The following TSNARE1 variants were observed in gnomAD, a reference collection of about 807,000 sequenced individuals.
TSNARE1 encodes the protein t-SNARE domain-containing protein 1.
A neutral mutation model predicts 62.0 loss-of-function variants in TSNARE1; 49 were observed. The observed-to-expected ratio is 0.79, with a 90% CI of 0.63 to 1.00. TSNARE1 has a LOEUF of 1.00. Ranked by LOEUF, TSNARE1 falls within the 50% of genes least tolerant of loss-of-function variation. TSNARE1 has a pLI of 0.00. For synonymous variants in TSNARE1, 328 were observed against 294.4 expected, an observed-to-expected ratio of 1.11 and a Z score of -1.17; for missense variants, 755 against 700.1, an observed-to-expected ratio of 1.08 and a Z score of -0.88.
intron 9 of TSNARE1, among the ~76,000 whole-genome samples, chr8:142,303,591 G>A (rs929240759): frequency 6.6e-6 from 1 of 152,232 alleles, no homozygotes; most frequent in Non-Finnish European, 1.5e-5. Flanking sequence ...ACTGGGACTG[G>A]AGCAGATGGA....
chr8:142,365,784 T>C, intron 1 of TSNARE1: 1 of 256,482 alleles, frequency 3.9e-6, no homozygotes. Flanking sequence ...AAATTAAACC[T>C]AAAATAAAAA....
chr8:142,354,914 AG>A (rs1287367399), intron 1 of TSNARE1, among the ~76,000 whole-genome samples, 151 bp from the exon 2 acceptor site: 1 of 150,448 alleles, frequency 6.6e-6, no homozygotes, highest in African/African-American at 2.4e-5. Context: ...GCTTCTCACC[AG>A]CCCCCAAACA....
chr8:142,292,375 G>A (rs1000772878), intron 10 of TSNARE1, among the ~76,000 whole-genome samples: 2 of 152,318 alleles, frequency 1.3e-5, no homozygotes, highest in Admixed American at 6.5e-5. Flanking sequence ...AGGCAGGTGC[G>A]GCACCCTTTC....
chr8:142,287,341 G>A (rs1308634422), intron 10 of TSNARE1, among the ~76,000 whole-genome samples: 5 of 126,914 alleles, frequency 3.9e-5, no homozygotes, highest in African/African-American at 1.6e-4. Context: ...CCTCCAGGTC[G>A]TGGAACCCAG....
intron 10 of TSNARE1, among the ~76,000 whole-genome samples, chr8:142,287,922 C>T (rs767895347): frequency 6.6e-6 from 1 of 152,212 alleles, no homozygotes; most frequent in African/African-American, 2.4e-5. Context: ...GGTCGTGGAA[C>T]CCAGGACCTC....
rs71514080 is a variant in TSNARE1 at position 142,319,083 on chromosome 8, TG to T, written c.894-450del. Among the ~76,000 whole-genome samples, 308 of 151,942 alleles carry T rather than the reference TG, an allele frequency of 2.0e-3. 6 individuals carry two copies. The highest frequency in any genetic ancestry group is 0.016 in the Admixed American group (249 of 15,288). The stretch of plus-strand genomic sequence containing the variant: ...AGAGACGGCGCAGGTAAGCTCTGGC[TG>T]GGGTGGGTGGCCCAGCCAGAACAGT... On this transcript the variant is annotated intron_variant, in intron 6 of 13. Transcript: ENST00000524325. This position sits in a 1 kb window ranked among gnomAD's most constrained non-coding sequence, Gnocchi z 4.9.
intron 1 of TSNARE1, among the ~76,000 whole-genome samples, chr8:142,377,933 GT>G (rs1836465417): frequency 6.6e-6 from 1 of 152,240 alleles, no homozygotes; most frequent in Non-Finnish European, 1.5e-5. Context: ...CTTTAGTGAT[GT>G]GGGTAAGTGC....
intron 1 of TSNARE1, among the ~76,000 whole-genome samples, chr8:142,363,405 G>A (rs754550035): frequency 1.3e-5 from 2 of 152,096 alleles, no homozygotes; most frequent in Non-Finnish European, 2.9e-5. Flanking sequence ...GAAGAGATGT[G>A]GGTTAAAGCC....
At chr8:142,262,149 C>T (rs532421204) in intron 12 of TSNARE1, among the ~76,000 whole-genome samples, 4 of 152,228 alleles carry the variant, frequency 2.6e-5, no homozygotes, top group Non-Finnish European at 5.9e-5. Context: ...CTCTCTACCT[C>T]GTCCTTCTTC....
At chr8:142,275,638 C>T in intron 11 of TSNARE1, 1 of 985,432 alleles carries the variant, frequency 1.0e-6, no homozygotes, top group South Asian at 4.7e-5. Context: ...CAAACACGAG[C>T]ACGGGCAAGC....
chr8:142,394,246 G>A (rs1419378190), intron 1 of TSNARE1, among the ~76,000 whole-genome samples: 1 of 152,230 alleles, frequency 6.6e-6, no homozygotes, highest in Admixed American at 6.5e-5. Flanking sequence ...AGAAAGACGG[G>A]AGGTGCTCTG....
At position 142,300,549 on chromosome 8, in the gene TSNARE1, C is replaced by T. The variant is rs542733940; in HGVS notation, c.1227G>A (p.Pro409=). The change falls in exon 10 of 14, where the codon CCG becomes CCA. Residue 409 remains proline (P), a synonymous_variant. Coordinates refer to ENST00000524325, the MANE Select transcript of TSNARE1 (RefSeq NM_145003.5). ...MWQGQEQALL[P]DITEEDLEAI... Reference sequence around the variant, plus strand: ...CCTCCAGGTCCTCTTCAGTGATGTCCGGGAGCAGCGCCTGCTCCTGGCCCT... The same window carrying T: ...CCTCCAGGTCCTCTTCAGTGATGTCTGGGAGCAGCGCCTGCTCCTGGCCCT... 2.2e-5 allele frequency: 36 copies of T among 1,612,500 alleles called. No individual in the cohort carries two copies. The East Asian group carries it at 5.8e-4, about 26-fold the overall frequency.
At chr8:142,374,846 G>A (rs1836205751) in intron 1 of TSNARE1, among the ~76,000 whole-genome samples, 1 of 152,142 alleles carries the variant, frequency 6.6e-6, no homozygotes, top group African/African-American at 2.4e-5. Flanking sequence ...CTCAGCCTGG[G>A]GAACAGGCGC....
At chr8:142,224,918 T>G (rs1430445659) in intron 13 of TSNARE1, among the ~76,000 whole-genome samples, 1 of 152,118 alleles carries the variant, frequency 6.6e-6, no homozygotes, top group Non-Finnish European at 1.5e-5. Flanking sequence ...TAGCCCTGAT[T>G]GATCCCTAGC....
intron 13 of TSNARE1, among the ~76,000 whole-genome samples, chr8:142,213,879 C>T (rs1294060138): frequency 2.0e-5 from 3 of 152,042 alleles, no homozygotes; most frequent in Non-Finnish European, 4.4e-5. Flanking sequence ...CCCATCAGAG[C>T]CCAGCCCCCC....
chr8:142,240,762 T>G (rs1817639571), intron 12 of TSNARE1, among the ~76,000 whole-genome samples: 1 of 152,150 alleles, frequency 6.6e-6, no homozygotes, highest in Admixed American at 6.5e-5. Context: ...AGAAAAATGA[T>G]AATAGACATA....
At chr8:142,329,063 A>T (rs1219095064) in intron 6 of TSNARE1, among the ~76,000 whole-genome samples, 1 of 152,184 alleles carries the variant, frequency 6.6e-6, no homozygotes, top group Admixed American at 6.5e-5. Flanking sequence ...TTAGTTGGCA[A>T]CTTCGTCAAT....
intron 12 of TSNARE1, among the ~76,000 whole-genome samples, chr8:142,252,277 C>G (rs117670171): frequency 1.3e-5 from 2 of 152,196 alleles, no homozygotes; most frequent in East Asian, 1.9e-4. Context: ...GGCCTACATT[C>G]GTAATGCATG....
At chr8:142,277,780 G>C in intron 11 of TSNARE1, 1 of 985,376 alleles carries the variant, frequency 1.0e-6, no homozygotes, top group South Asian at 4.7e-5. Flanking sequence ...AGTCGAGGCT[G>C]GGTCTCAGTC....
Sources: gnomAD v4.1 joint callset for allele counts (sites outside exome capture counted in the v4.1 genomes callset) on GRCh38, gnomAD v4.1.1 for gene constraint, Gnocchi (gnomAD v3.1) non-coding constraint, MANE v1.5 for transcripts, NCBI Gene and HGNC (gene_info 2026-07-23, HGNC 2026-07-21) for gene names.